The following KRABD3 variants were observed in gnomAD, a reference collection of about 807,000 sequenced individuals.
The protein encoded by KRABD3 is KRAB domain-containing protein 3.
chr7:149,726,774 G>A, the KRABD3 span, among the ~76,000 whole-genome samples: 1 of 152,002 alleles, frequency 6.6e-6, no homozygotes, highest in African/African-American at 2.4e-5. Flanking sequence ...GGGTGGAGTA[G>A]CACCTGTAGT....
the KRABD3 span, chr7:149,715,139 A>T: frequency 8.1e-7 from 1 of 1,229,018 alleles, no homozygotes; most frequent in South Asian, 4.1e-5. Flanking sequence ...AAGAGCTGGG[A>T]CCCCCCCGCA....
At chr7:149,723,092 G>A in the KRABD3 span, 2 of 718,770 alleles carry the variant, frequency 2.8e-6, no homozygotes, top group African/African-American at 1.8e-5. Context: ...TCACCTTTCT[G>A]GAGCCAGGTG....
chr7:149,719,289 A>C, the KRABD3 span: 1 of 368,758 alleles, frequency 2.7e-6, no homozygotes, highest in East Asian at 5.1e-5. The surrounding 1 kb of genome is among the most constrained non-coding windows in gnomAD (Gnocchi z 5.6). Context: ...ACCTCATCTT[A>C]AGTAATTCCA....
the KRABD3 span, chr7:149,720,812 G>C: frequency 3.2e-6 from 5 of 1,564,344 alleles, no homozygotes; most frequent in Non-Finnish European, 4.3e-6. Flanking sequence ...GGGTGCGGGG[G>C]GGTCACTGTG....
the KRABD3 span, chr7:149,722,409 TCTC>T: frequency 1.3e-6 from 2 of 1,599,200 alleles, no homozygotes; most frequent in Non-Finnish European, 1.7e-6. Flanking sequence ...CCTCTTGTCT[TCTC>T]CTGCAACAGA....
At chr7:149,724,664 T>C in the KRABD3 span, 1 of 1,540,964 alleles carries the variant, frequency 6.5e-7, no homozygotes, top group Admixed American at 2.0e-5. Flanking sequence ...CCTGGATACC[T>C]CCTGACCCCT....
the KRABD3 span, chr7:149,722,804 C>G: frequency 6.2e-7 from 1 of 1,608,426 alleles, no homozygotes; most frequent in Admixed American, 1.7e-5. Flanking sequence ...GGGAACAGCC[C>G]CTTGCAAGGC....
chr7:149,720,638 A>G, the KRABD3 span, among the ~76,000 whole-genome samples: 1 of 152,214 alleles, frequency 6.6e-6, no homozygotes, highest in Non-Finnish European at 1.5e-5. Flanking sequence ...CCCCGCCCCC[A>G]TGCCCTGGCT....
chr7:149,719,174 T>C, the KRABD3 span, among the ~76,000 whole-genome samples: 1 of 152,242 alleles, frequency 6.6e-6, no homozygotes, highest in Non-Finnish European at 1.5e-5. The surrounding 1 kb of genome is among the most constrained non-coding windows in gnomAD (Gnocchi z 5.6). Context: ...GACTGTAGTC[T>C]CTGCCTGTCT....
At chr7:149,715,083 C>G in the KRABD3 span, 6 of 1,230,762 alleles carry the variant, frequency 4.9e-6, no homozygotes, top group South Asian at 2.1e-4. Flanking sequence ...CAGGCGGACG[C>G]GCGGACCCCT....
the KRABD3 span, chr7:149,731,692 C>T: frequency 6.2e-7 from 1 of 1,611,082 alleles, no homozygotes; most frequent in South Asian, 1.1e-5. Context: ...GGATCCCTGC[C>T]CGGTTTCTCA....
At chr7:149,730,782 G>T in the KRABD3 span, 2 of 611,932 alleles carry the variant, frequency 3.3e-6, no homozygotes, top group East Asian at 5.5e-5. Flanking sequence ...GGAGGTCTGA[G>T]CCACTCACTT....
At chr7:149,730,810 G>A in the KRABD3 span, 1 of 560,078 alleles carries the variant, frequency 1.8e-6, no homozygotes, top group Non-Finnish European at 3.2e-6. Flanking sequence ...CGTACACGGT[G>A]TTTGCGCTTG....
chr7:149,733,955 G>T, the KRABD3 span: 2 of 1,602,430 alleles, frequency 1.2e-6, no homozygotes, highest in Non-Finnish European at 1.7e-6. Flanking sequence ...GCGGCCCAAG[G>T]AGCCGAGCAG....
chr7:149,720,939 G>A, the KRABD3 span: 14 of 1,613,610 alleles, frequency 8.7e-6, no homozygotes, highest in African/African-American at 2.7e-5. Flanking sequence ...GGACAGCCCC[G>A]AGAGCGAGAG....
At chr7:149,722,143 G>A in the KRABD3 span, 3 of 490,436 alleles carry the variant, frequency 6.1e-6, no homozygotes, top group South Asian at 4.1e-5. Flanking sequence ...AGAAGCGTGA[G>A]TGTGAGATTG....
At chr7:149,718,837 CAT>C in the KRABD3 span, among the ~76,000 whole-genome samples, 2 of 152,268 alleles carry the variant, frequency 1.3e-5, no homozygotes, top group East Asian at 3.9e-4. Context: ...TGTAAAGAAA[CAT>C]AGACAAAAAT....
chr7:149,717,366 C>T, the KRABD3 span, among the ~76,000 whole-genome samples: 4 of 152,254 alleles, frequency 2.6e-5, no homozygotes, highest in South Asian at 4.1e-4. Flanking sequence ...CCAGCCTGAG[C>T]CCTCCTGGCA....
chr7:149,725,528 G>A, the KRABD3 span: 1 of 1,549,782 alleles, frequency 6.5e-7, no homozygotes. Flanking sequence ...ATGTCCCTGA[G>A]CGTGGCAGCG....
Sources: allele counts gnomAD v4.1 joint callset (sites outside exome capture counted in the v4.1 genomes callset), GRCh38; gene constraint gnomAD v4.1.1; non-coding constraint Gnocchi (gnomAD v3.1); transcripts MANE v1.5; gene names NCBI Gene and HGNC (gene_info 2026-07-23, HGNC 2026-07-21).